QTGAL: variants seen among roughly 807,000 people sequenced by gnomAD.
QTGAL encodes BGnT-like protein 1.
chr17:83,048,628 T>C, the QTGAL span: 1 of 1,606,430 alleles, frequency 6.2e-7, no homozygotes, highest in East Asian at 2.2e-5. Flanking sequence ...AACCGTTGCT[T>C]ACACTGGGGC....
chr17:82,971,660 CAG>C, the QTGAL span, among the ~76,000 whole-genome samples: 2 of 82,888 alleles, frequency 2.4e-5, no homozygotes, highest in Admixed American at 1.2e-4. Context: ...CACCACACCA[CAG>C]GGGCCAGAAG....
At chr17:83,036,830 T>A in the QTGAL span, among the ~76,000 whole-genome samples, 1 of 152,068 alleles carries the variant, frequency 6.6e-6, no homozygotes, top group Non-Finnish European at 1.5e-5. Context: ...GAACTGCATG[T>A]TGGGCTAAGA....
chr17:83,021,288 C>G, the QTGAL span, among the ~76,000 whole-genome samples: 3 of 152,038 alleles, frequency 2.0e-5, no homozygotes, highest in South Asian at 6.2e-4. Context: ...GTAAAAGGCT[C>G]CTTATTCACA....
chr17:83,005,931 C>T, the QTGAL span: 1 of 1,259,062 alleles, frequency 7.9e-7, no homozygotes, highest in Non-Finnish European at 1.0e-6. This position sits in a 1 kb window ranked among gnomAD's most constrained non-coding sequence, Gnocchi z 5.6. Flanking sequence ...CTCTGTTCTG[C>T]TCCTGAGATC....
chr17:82,985,305 T>C, the QTGAL span, among the ~76,000 whole-genome samples: 1 of 152,184 alleles, frequency 6.6e-6, no homozygotes, highest in Non-Finnish European at 1.5e-5. Context: ...ACTCAGACAA[T>C]GAACATAAAA....
the QTGAL span, among the ~76,000 whole-genome samples, chr17:83,030,396 G>A: frequency 5.3e-5 from 8 of 152,326 alleles, no homozygotes; most frequent in Admixed American, 1.3e-4. Context: ...AGGGATTAGC[G>A]GAGAAGGAGG....
chr17:83,049,513 C>T, the QTGAL span, among the ~76,000 whole-genome samples: 2 of 149,888 alleles, frequency 1.3e-5, no homozygotes, highest in East Asian at 2.0e-4. Context: ...CCCGGGTTCA[C>T]GCCATTCTCC....
chr17:82,966,546 G>A, the QTGAL span, among the ~76,000 whole-genome samples: 1 of 152,224 alleles, frequency 6.6e-6, no homozygotes, highest in Non-Finnish European at 1.5e-5. Context: ...ACCAGAAGCA[G>A]AGCCGCCTGG....
the QTGAL span, among the ~76,000 whole-genome samples, chr17:83,047,992 C>A: frequency 6.0e-5 from 9 of 151,116 alleles, no homozygotes; most frequent in Non-Finnish European, 1.3e-4. Context: ...CCTCTCCTTT[C>A]TTCCTTCTTT....
chr17:82,991,341 A>G, the QTGAL span, among the ~76,000 whole-genome samples: 1,843 of 152,276 alleles, frequency 0.012, 43 homozygotes, highest in African/African-American at 0.042. Flanking sequence ...CTGAATCATG[A>G]GGGCAGTTTC....
the QTGAL span, chr17:82,948,966 A>C: frequency 6.6e-6 from 1 of 152,268 alleles, no homozygotes; most frequent in Non-Finnish European, 1.5e-5. Flanking sequence ...TGGCAAAAAT[A>C]CAAAAATATC....
chr17:83,037,372 G>A, the QTGAL span, among the ~76,000 whole-genome samples: 204 of 152,308 alleles, frequency 1.3e-3, no homozygotes, highest in Non-Finnish European at 1.9e-3. This position sits in a 1 kb window ranked among gnomAD's most constrained non-coding sequence, Gnocchi z 5.2. Flanking sequence ...TCTCCAACCC[G>A]GAGCAGTGCC....
chr17:83,030,340 C>T, the QTGAL span, among the ~76,000 whole-genome samples: 13 of 152,002 alleles, frequency 8.6e-5, no homozygotes, highest in African/African-American at 1.2e-4. Context: ...AGAATGAGCG[C>T]GAATAAAGCA....
chr17:83,008,120 A>C, the QTGAL span, among the ~76,000 whole-genome samples: 1 of 140,286 alleles, frequency 7.1e-6, no homozygotes, highest in Non-Finnish European at 1.6e-5. Context: ...TTAATCCTGC[A>C]CCGAGACGTC....
chr17:83,006,281 GT>G, the QTGAL span: 1 of 985,562 alleles, frequency 1.0e-6, no homozygotes, highest in Non-Finnish European at 1.2e-6. This position sits in a 1 kb window ranked among gnomAD's most constrained non-coding sequence, Gnocchi z 5.8. Flanking sequence ...TCTCCAACTT[GT>G]GTAGCGTTTA....
At chr17:83,010,389 C>A in the QTGAL span, among the ~76,000 whole-genome samples, 202 of 152,354 alleles carry the variant, frequency 1.3e-3, no homozygotes, top group Non-Finnish European at 2.1e-3. Flanking sequence ...GCCCCCGGAG[C>A]GAAGAGCACG....
chr17:82,979,950 A>G, the QTGAL span, among the ~76,000 whole-genome samples: 1 of 152,226 alleles, frequency 6.6e-6, no homozygotes, highest in Admixed American at 6.5e-5. Flanking sequence ...GTTTTTTGAC[A>G]AGGCCCAGAA....
the QTGAL span, chr17:82,961,380 GC>G: frequency 1.7e-6 from 1 of 599,962 alleles, no homozygotes; most frequent in Admixed American, 3.0e-5. Flanking sequence ...TTCTCCACAG[GC>G]GGGAAAGAGG....
the QTGAL span, among the ~76,000 whole-genome samples, chr17:83,030,347 A>C: frequency 6.6e-6 from 1 of 152,236 alleles, no homozygotes; most frequent in Non-Finnish European, 1.5e-5. Context: ...GCGCGAATAA[A>C]GCAGAAGCAA....
Sources: gnomAD v4.1 joint callset for allele counts (sites outside exome capture counted in the v4.1 genomes callset) on GRCh38, gnomAD v4.1.1 for gene constraint, Gnocchi (gnomAD v3.1) non-coding constraint, MANE v1.5 for transcripts, NCBI Gene and HGNC (gene_info 2026-07-23, HGNC 2026-07-21) for gene names.